LRRD1: variants seen among roughly 807,000 people sequenced by gnomAD.
LRRD1 encodes leucine rich repeats and death domain containing 1.
LRRD1 carries 49 observed loss-of-function variants against 69.5 expected under a neutral mutation model. The observed-to-expected ratio is 0.70, with a 90% CI of 0.56 to 0.89. LRRD1 has a LOEUF of 0.89. LRRD1 is among the 40% of genes least tolerant of loss of function. LRRD1 has a pLI of 0.00. For synonymous variants in LRRD1, 303 were observed against 338.9 expected, an observed-to-expected ratio of 0.89 and a Z score of 1.16; for missense variants, 853 against 956.0, an observed-to-expected ratio of 0.89 and a Z score of 1.42.
At chr7:92,150,021 C>A in intron 4 of LRRD1, 1 of 391,320 alleles carries the variant, frequency 2.6e-6, no homozygotes, top group African/African-American at 2.1e-5. Flanking sequence ...TGCCTATTTT[C>A]AGTGCCTCAA....
At chr7:92,159,568 C>T (rs1788753959) in intron 2 of LRRD1, among the ~76,000 whole-genome samples, 1 of 133,638 alleles carries the variant, frequency 7.5e-6, no homozygotes, top group South Asian at 2.8e-4. Context: ...AAGTCTTTTC[C>T]AACTACTCCA....
chr7:92,153,752 G>A (rs994274636), intron 3 of LRRD1, among the ~76,000 whole-genome samples: 1 of 151,546 alleles, frequency 6.6e-6, no homozygotes, highest in African/African-American at 2.4e-5. Flanking sequence ...AACCCCAGAG[G>A]CAGAAGCTGC....
intron 1 of LRRD1, among the ~76,000 whole-genome samples, chr7:92,175,321 G>A (rs1478169696): frequency 6.6e-6 from 1 of 151,992 alleles, no homozygotes. Flanking sequence ...AGAAAGAGAT[G>A]ATCCACTCAA....
rs914328581 is a variant in LRRD1, at chr7:92,163,384, A to T, written c.1819T>A (p.Leu607Ile). ...ATAAATTGATTGCTTGAGAAGTTTA[A>T]TTTCTGGATTCCTTTTAAATTACAG... Reference protein sequence around the residue: ...DICNLKGIQKLNFSSNQFIHF... With the variant: ...DICNLKGIQKINFSSNQFIHF... Residue 607 changes from leucine to isoleucine, a missense_variant, in exon 2 of 6, where the codon TTA (leucine) becomes ATA (isoleucine). Coordinates refer to ENST00000458448, the MANE Select transcript of LRRD1 (RefSeq NM_001161528.2). 1.3e-6 allele frequency: 2 copies of T among 1,547,740 alleles called. No homozygotes were observed. The highest frequency in any genetic ancestry group is 1.7e-6 in the Non-Finnish European group (2 of 1,145,946).
Position 92,164,418 on chromosome 7 carries a change from A to T in LRRD1, c.785T>A (p.Leu262Ter), listed in dbSNP as rs1788857720. ...DLECLGNLEI[L>*]SLGKNKLRHI... ...TCTTAACTTATTTTTACCCAAACTT[A>T]AAATTTCCAAGTTTCCAAGACATTC... The change falls in exon 2 of 6, where the codon TTA becomes TAA. Residue 262 changes from leucine (L) to a stop codon, truncating the protein, a stop_gained. Transcript: ENST00000458448. LOFTEE classifies it high-confidence loss of function. 4 of 1,548,376 alleles carry T rather than the reference A, an allele frequency of 2.6e-6. No homozygotes were observed. The African/African-American group carries it at 5.5e-5, about 21-fold the overall frequency.
intron 1 of LRRD1, among the ~76,000 whole-genome samples, chr7:92,178,260 C>T (rs1213717350): frequency 6.6e-6 from 1 of 152,028 alleles, no homozygotes; most frequent in South Asian, 2.1e-4. Context: ...TTGCGGTGAG[C>T]CGAGATCACG....
chr7:92,142,702 G>C (rs539075713), downstream of LRRD1: 2 of 407,524 alleles, frequency 4.9e-6, no homozygotes, highest in Admixed American at 5.9e-5. Context: ...TCGTGGTCTC[G>C]CTGGCTCAGG....
At chr7:92,142,657 T>A (rs565969062), downstream of LRRD1, 1 of 408,188 alleles carries the variant, frequency 2.4e-6, no homozygotes, top group South Asian at 1.8e-5. Context: ...CTTCTGATGT[T>A]CGGATGTGTT....
intron 1 of LRRD1, among the ~76,000 whole-genome samples, chr7:92,165,883 AG>A (rs1351705214): frequency 2.0e-5 from 3 of 150,326 alleles, no homozygotes; most frequent in Non-Finnish European, 4.4e-5. Flanking sequence ...AAAAAAAAAA[AG>A]GTAACATAAA....
At chr7:92,145,384 C>A (rs970703515) in intron 5 of LRRD1, among the ~76,000 whole-genome samples, 3 of 150,210 alleles carry the variant, frequency 2.0e-5, no homozygotes, top group Non-Finnish European at 3.0e-5. Context: ...ACCTCAAAAT[C>A]ATAATTGTGG....
downstream of LRRD1, chr7:92,142,567 C>G: frequency 2.2e-6 from 1 of 455,548 alleles, no homozygotes; most frequent in Non-Finnish European, 4.4e-6. Flanking sequence ...GTGGGTTCTT[C>G]GTCTCACTGA....
chr7:92,149,990 CA>C, intron 4 of LRRD1: 1 of 428,646 alleles, frequency 2.3e-6, no homozygotes, highest in Admixed American at 2.5e-5. Context: ...GGAAACAGCC[CA>C]CCCCTCCTCC....
At position 92,164,393 on chromosome 7, in the gene LRRD1, T is replaced by A; in HGVS notation, c.810A>T (p.Arg270Ser). The change falls in exon 2 of 6, where the codon AGA becomes AGT. Residue 270 changes from arginine (R) to serine (S), a missense_variant. By Grantham distance (110) the Arg-to-Ser change is moderately radical. Transcript: ENST00000458448. Reference protein sequence around the residue: ...EILSLGKNKLRHIPDTLPSLK... With the variant: ...EILSLGKNKLSHIPDTLPSLK... ...AACTAGGCAGAGTATCTGGTATATG[T>A]CTTAACTTATTTTTACCCAAACTTA... 1 of 1,548,660 alleles carries A rather than the reference T, an allele frequency of 6.5e-7. No homozygotes were observed. Among genetic ancestry groups the A allele is most frequent in the Non-Finnish European group, 8.7e-7 (1 of 1,146,108 alleles).
intron 2 of LRRD1, among the ~76,000 whole-genome samples, chr7:92,160,391 T>C (rs543422165): frequency 3.9e-5 from 6 of 152,286 alleles, no homozygotes; most frequent in African/African-American, 1.4e-4. Flanking sequence ...GGAAATGGAA[T>C]GAAGCAATAG....
chr7:92,169,340 A>T (rs1352585936), intron 1 of LRRD1, among the ~76,000 whole-genome samples: 6 of 152,172 alleles, frequency 3.9e-5, no homozygotes, highest in Admixed American at 2.6e-4. Context: ...TGGATAATTT[A>T]AAAAATCAAA....
At chr7:92,148,394 G>A (rs960077125) in intron 4 of LRRD1, among the ~76,000 whole-genome samples, 1 of 152,040 alleles carries the variant, frequency 6.6e-6, no homozygotes, top group Non-Finnish European at 1.5e-5. Context: ...CAGAACTCGA[G>A]ATGTACCATC....
intron 4 of LRRD1, among the ~76,000 whole-genome samples, chr7:92,146,749 C>T (rs553036431): frequency 4.4e-4 from 66 of 151,568 alleles, no homozygotes; most frequent in East Asian, 2.3e-3. Flanking sequence ...GAAGAAACCC[C>T]GTCTCTACTA....
Position 92,164,980 on chromosome 7 carries a change from A to T in LRRD1, c.223T>A (p.Ser75Thr), listed in dbSNP as rs1488602701. The change falls in exon 2 of 6, where the codon TCT becomes ACT. Residue 75 changes from serine to threonine, a missense_variant. This residue lies in a region of LRRD1 where 99 missense variants were observed against 107.0 expected (regional missense o/e 0.92). Coordinates refer to ENST00000458448, the MANE Select transcript of LRRD1 (RefSeq NM_001161528.2). ...TTCTTTTGTTCTTCATTTCTCTTAG[A>T]CTTCCTTCCAGAGGAAGATGTTGAC... Reference protein sequence around the residue: ...LESTSSSGRKSKRNEEQKKNL... With the variant: ...LESTSSSGRKTKRNEEQKKNL... 6.4e-7 allele frequency: 1 copy of T among 1,551,290 alleles called. No individual in the cohort carries two copies.
intron 2 of LRRD1, among the ~76,000 whole-genome samples, chr7:92,162,420 C>T (rs1788810690): frequency 6.6e-6 from 1 of 152,070 alleles, no homozygotes; most frequent in Admixed American, 6.6e-5. Flanking sequence ...TAGGAGTAGA[C>T]TTTGGGAAGC....
Sources: gnomAD v4.1 joint callset for allele counts (sites outside exome capture counted in the v4.1 genomes callset) on GRCh38, gnomAD v4.1.1 for gene constraint, gnomAD v4.1.1 regional missense constraint, MANE v1.5 for transcripts, NCBI Gene and HGNC (gene_info 2026-07-23, HGNC 2026-07-21) for gene names.